The following PPP3R1 variants were observed in gnomAD, a reference collection of about 807,000 sequenced individuals.
The protein encoded by PPP3R1 is calcineurin subunit B type 1.
PPP3R1 carries 5 observed loss-of-function variants against 22.6 expected under a neutral mutation model. The observed-to-expected ratio is 0.22, with a 90% CI of 0.12 to 0.46. The LOEUF (loss-of-function observed/expected upper bound fraction) is 0.46, where lower values mean the gene tolerates loss of function less well. PPP3R1 is among the 20% of genes least tolerant of loss of function. PPP3R1 has a pLI of 0.99. For missense variants in PPP3R1, 61 were observed against 203.2 expected (o/e 0.30, Z 4.25); for synonymous variants, 56 against 65.2 (o/e 0.86, Z 0.68).
chr2:68,252,218 G>C lies in PPP3R1; in HGVS notation c.-91C>G. 8.3e-7 allele frequency: 1 copy of C among 1,200,608 alleles called. No homozygotes were observed. The highest frequency in any genetic ancestry group is 1.1e-6 in the Non-Finnish European group (1 of 944,826). 74.4% of individuals were successfully genotyped at this position (1,200,608 alleles called of 1,614,324 possible). ...CGCAGGAAACGGCGGCGGCGGCCCA[G>C]CTGCGGCCCTCGGGTCGCCGGCGGG... On this transcript the variant is annotated 5_prime_UTR_variant, in exon 1 of 6. Transcript: ENST00000234310.
chr2:68,198,582 A>G (rs1360673455), intron 2 of PPP3R1, among the ~76,000 whole-genome samples: 2 of 151,652 alleles, frequency 1.3e-5, no homozygotes, highest in African/African-American at 4.8e-5. Context: ...CCAGTACCAC[A>G]GTGTTATGTT....
intron 1 of PPP3R1, among the ~76,000 whole-genome samples, chr2:68,229,897 T>C (rs1669852998): frequency 6.6e-6 from 1 of 151,644 alleles, no homozygotes; most frequent in East Asian, 1.9e-4. Context: ...TATATATATA[T>C]ACGGGTGTGT....
intron 1 of PPP3R1, among the ~76,000 whole-genome samples, chr2:68,233,421 T>G (rs1363928299): frequency 6.6e-6 from 1 of 152,228 alleles, no homozygotes; most frequent in African/African-American, 2.4e-5. Context: ...TATAGTTCAC[T>G]TGCAAGTGGA....
intron 1 of PPP3R1, among the ~76,000 whole-genome samples, chr2:68,222,728 ATG>A (rs1334188448): frequency 6.6e-6 from 1 of 152,128 alleles, no homozygotes; most frequent in Non-Finnish European, 1.5e-5. Context: ...CTCCATAATC[ATG>A]TGAGGCAATA....
At chr2:68,224,800 G>C (rs971347352) in intron 1 of PPP3R1, among the ~76,000 whole-genome samples, 3 of 151,808 alleles carry the variant, frequency 2.0e-5, no homozygotes, top group African/African-American at 7.3e-5. Flanking sequence ...TAATTAAATG[G>C]GGAAAAAAAA....
intron 2 of PPP3R1, among the ~76,000 whole-genome samples, chr2:68,204,747 G>A (rs1675075064): frequency 6.6e-6 from 1 of 152,202 alleles, no homozygotes; most frequent in South Asian, 2.1e-4. Context: ...GGGGTGACTA[G>A]TAACTACCAG....
chr2:68,210,501 T>C (rs1047826767), intron 2 of PPP3R1, among the ~76,000 whole-genome samples: 3 of 152,242 alleles, frequency 2.0e-5, no homozygotes, highest in African/African-American at 2.4e-5. Flanking sequence ...AATTTGTTCA[T>C]GATAATGGGA....
At chr2:68,197,043 T>G (rs1417676359) in intron 2 of PPP3R1, among the ~76,000 whole-genome samples, 2 of 152,172 alleles carry the variant, frequency 1.3e-5, no homozygotes, top group African/African-American at 4.8e-5. Context: ...CTAAAATAAT[T>G]TAAGCCAACT....
At chr2:68,237,166 A>G (rs2103802714) in intron 1 of PPP3R1, among the ~76,000 whole-genome samples, 1 of 152,276 alleles carries the variant, frequency 6.6e-6, no homozygotes, top group Non-Finnish European at 1.5e-5. Context: ...TAATCACTAC[A>G]TTTCTGAATA....
intron 2 of PPP3R1, among the ~76,000 whole-genome samples, chr2:68,208,065 A>G (rs554401956): frequency 2.0e-5 from 3 of 152,262 alleles, no homozygotes; most frequent in Non-Finnish European, 4.4e-5. Flanking sequence ...CTGAGAGAGA[A>G]CTGCTTAAAC....
At chr2:68,252,087 G>A in intron 1 of PPP3R1, 38 bp downstream of exon 1, 2 of 1,408,176 alleles carry the variant, frequency 1.4e-6, no homozygotes, top group Non-Finnish European at 1.9e-6. Context: ...GGCGGCAGTA[G>A]GGGGAGGGAT....
At chr2:68,205,821 CTCT>C (rs998121229) in intron 2 of PPP3R1, among the ~76,000 whole-genome samples, 18 of 151,442 alleles carry the variant, frequency 1.2e-4, no homozygotes, top group Admixed American at 6.6e-5. Flanking sequence ...ATTGTGTAGG[CTCT>C]TCTTTTTTTT....
At chr2:68,247,625 C>T (rs1226927854) in intron 1 of PPP3R1, among the ~76,000 whole-genome samples, 1 of 152,236 alleles carries the variant, frequency 6.6e-6, no homozygotes, top group Non-Finnish European at 1.5e-5. Context: ...CTGGAAGTTT[C>T]TCGAGGACAG....
intron 1 of PPP3R1, among the ~76,000 whole-genome samples, chr2:68,224,979 A>C (rs1169193994): frequency 6.6e-6 from 1 of 152,276 alleles, no homozygotes; most frequent in Non-Finnish European, 1.5e-5. Context: ...AGTTAAAACC[A>C]AAGTGAGATA....
chr2:68,229,942 GTA>G (rs1195980016), intron 1 of PPP3R1, among the ~76,000 whole-genome samples: 11 of 145,434 alleles, frequency 7.6e-5, no homozygotes, highest in African/African-American at 1.5e-4. Context: ...GTGTATGTGT[GTA>G]TATATGTGTG....
chr2:68,208,093 C>T (rs999341748), intron 2 of PPP3R1, among the ~76,000 whole-genome samples: 2 of 152,122 alleles, frequency 1.3e-5, no homozygotes, highest in African/African-American at 2.4e-5. Flanking sequence ...GTGGAGGTTG[C>T]AGTGAGCCGA....
chr2:68,217,837 T>A (rs1669608560), intron 1 of PPP3R1, among the ~76,000 whole-genome samples: 1 of 152,042 alleles, frequency 6.6e-6, no homozygotes, highest in African/African-American at 2.4e-5. Context: ...GAAATATATT[T>A]AAGAAAAAAA....
intron 1 of PPP3R1, among the ~76,000 whole-genome samples, chr2:68,243,886 A>G (rs779198010): frequency 1.3e-5 from 2 of 152,066 alleles, no homozygotes; most frequent in Non-Finnish European, 2.9e-5. Context: ...AATAAAATCC[A>G]TATGTTGCCA....
At chr2:68,219,030 T>C (rs931812428) in intron 1 of PPP3R1, among the ~76,000 whole-genome samples, 1 of 152,144 alleles carries the variant, frequency 6.6e-6, no homozygotes, top group Non-Finnish European at 1.5e-5. Context: ...TCCAAAACAC[T>C]ACTGCAACCA....
Sources: gnomAD v4.1 joint callset for allele counts (sites outside exome capture counted in the v4.1 genomes callset) on GRCh38, gnomAD v4.1.1 for gene constraint, MANE v1.5 for transcripts, NCBI Gene and HGNC (gene_info 2026-07-23, HGNC 2026-07-21) for gene names.